The following FAM163B variants were observed in gnomAD, a reference collection of about 807,000 sequenced individuals.
FAM163B encodes protein FAM163B.
A neutral mutation model predicts 7.6 loss-of-function variants in FAM163B; 4 were observed. That is an observed-to-expected ratio of 0.52 (90% confidence interval 0.26 to 1.20). The LOEUF (loss-of-function observed/expected upper bound fraction) is 1.20, where lower values mean the gene tolerates loss of function less well. FAM163B is among the 50% of genes most tolerant of loss of function. FAM163B has a pLI of 0.14. For missense variants in FAM163B, 250 were observed against 243.0 expected (o/e 1.03, Z -0.19); for synonymous variants, 120 against 111.6 (o/e 1.07, Z -0.47).
At chr9:133,586,580 G>A (rs1474839457) in intron 1 of FAM163B, among the ~76,000 whole-genome samples, 1 of 152,234 alleles carries the variant, frequency 6.6e-6, no homozygotes, top group African/African-American at 2.4e-5. Flanking sequence ...CCTGGGGTCA[G>A]TACCATGGAG....
Position 133,577,369 on chromosome 9 carries a change from C to T in FAM163B, c.*1653G>A, listed in dbSNP as rs1391290231. 4.0e-5 allele frequency among the ~76,000 whole-genome samples: 6 copies of T among 148,412 alleles called. No individual in the cohort carries two copies. The highest frequency in any genetic ancestry group is 1.3e-4 in the Admixed American group (2 of 14,968). ...AGAGGTGTGGGCGGGCCCGGGGGGCCGGGGCTGCGAGGGACCTCAAGGGCG... is the reference window on the plus strand; with the variant it reads ...AGAGGTGTGGGCGGGCCCGGGGGGCTGGGGCTGCGAGGGACCTCAAGGGCG... On this transcript the variant is annotated 3_prime_UTR_variant, in exon 3 of 3. Transcript: ENST00000673969.
At position 133,600,923 on chromosome 9, in the gene FAM163B, G is replaced by T. The variant is rs147601277; in HGVS notation, c.-24+8154C>A. On this transcript the variant is annotated intron_variant, in intron 1 of 2. Coordinates refer to ENST00000673969, the MANE Select transcript of FAM163B (RefSeq NM_001080515.3). The surrounding 1 kb of genome is among the most constrained non-coding windows in gnomAD (Gnocchi z 4.9). ...AACTCTCCCTTGGTAGGGGGTAGGG[G>T]GGGAGCTTCATTGCCTCGAGTTCCT... Among the ~76,000 whole-genome samples, 1 of 152,240 alleles carries T rather than the reference G, an allele frequency of 6.6e-6. No homozygotes were observed. Among genetic ancestry groups the T allele is most frequent in the Non-Finnish European group, 1.5e-5 (1 of 68,002 alleles).
At chr9:133,589,776 G>C (rs927198442) in intron 1 of FAM163B, among the ~76,000 whole-genome samples, 1 of 152,152 alleles carries the variant, frequency 6.6e-6, no homozygotes, top group East Asian at 1.9e-4. Flanking sequence ...CCCAGGGGGC[G>C]GGAACAGCAG....
intron 1 of FAM163B, among the ~76,000 whole-genome samples, chr9:133,598,993 T>A (rs1340800081): frequency 3.9e-5 from 6 of 152,098 alleles, no homozygotes; most frequent in Admixed American, 2.0e-4. Context: ...CCCTGCTGGA[T>A]GCAGGCAGCA....
At chr9:133,581,723 T>C (rs1831359403) in intron 1 of FAM163B, among the ~76,000 whole-genome samples, 1 of 152,212 alleles carries the variant, frequency 6.6e-6, no homozygotes, top group African/African-American at 2.4e-5. Flanking sequence ...TCGCATGGCA[T>C]TGAACATGCT....
At chr9:133,596,325 C>A (rs1269320874) in intron 1 of FAM163B, among the ~76,000 whole-genome samples, 1 of 146,376 alleles carries the variant, frequency 6.8e-6, no homozygotes, top group Non-Finnish European at 1.5e-5. Flanking sequence ...TGTGCATCAC[C>A]TTGGCTAAGT....
intron 1 of FAM163B, among the ~76,000 whole-genome samples, chr9:133,593,541 A>G (rs1410707187): frequency 1.3e-5 from 2 of 152,138 alleles, no homozygotes; most frequent in Non-Finnish European, 2.9e-5. Context: ...GACACCTCTG[A>G]TGCTGTGTCC....
At chr9:133,588,115 A>G (rs1022815093) in intron 1 of FAM163B, among the ~76,000 whole-genome samples, 2 of 152,176 alleles carry the variant, frequency 1.3e-5, no homozygotes, top group African/African-American at 4.8e-5. Flanking sequence ...GAGGCTGGGC[A>G]GTGGGGAAGC....
At chr9:133,604,605 A>C (rs1831767670) in intron 1 of FAM163B, among the ~76,000 whole-genome samples, 1 of 152,214 alleles carries the variant, frequency 6.6e-6, no homozygotes, top group African/African-American at 2.4e-5. Context: ...AGGAGCATGA[A>C]GGAGACAGTC....
intron 1 of FAM163B, among the ~76,000 whole-genome samples, chr9:133,595,102 A>G (rs56116178): frequency 0.058 from 8,896 of 152,260 alleles, 371 homozygotes; most frequent in Non-Finnish European, 0.098. Flanking sequence ...TTTAACGTGC[A>G]TCGAGTAGCC....
At position 133,584,048 on chromosome 9, in the gene FAM163B, T is replaced by TC. The variant is rs33920107; in HGVS notation, c.-23-3803dup. Among the ~76,000 whole-genome samples, 140 of 149,056 alleles carry TC rather than the reference T, an allele frequency of 9.4e-4. No homozygotes were observed. The South Asian group carries it at 0.012, about 12-fold the overall frequency. ...TGTGCCCCACCCTCTGGGATGCCCA[T>TC]CCCCCCCCCGGACCTACCACGCCAT... On this transcript the variant is annotated intron_variant, in intron 1 of 2. Coordinates refer to ENST00000673969, the MANE Select transcript of FAM163B (RefSeq NM_001080515.3).
At position 133,578,822 on chromosome 9, in the gene FAM163B, C is replaced by T. The variant is rs922663168; in HGVS notation, c.*200G>A. 6.5e-5 allele frequency: 68 copies of T among 1,042,510 alleles called. No homozygotes were observed. The highest frequency in any genetic ancestry group is 7.2e-5 in the Non-Finnish European group (55 of 761,148). The allele number at this position is 1,042,510 out of a possible 1,614,324, so 64.6% of individuals were successfully genotyped here. A position where few individuals can be genotyped will look rare whatever the true frequency, so the allele number is the denominator to read the frequency against. ...CCCCAGGCCCCAGCTGTGCCTCCCC[C>T]CAGGACACATTTGTGTTCAATGAGC... On this transcript the variant is annotated 3_prime_UTR_variant, in exon 3 of 3. Transcript: ENST00000673969.
rs1464808620 is a variant in FAM163B, at chr9:133,577,718, G to C, written c.*1304C>G. ...GGGGCTCCTGGGGCCAGGCTGCTGA[G>C]AGGAAATAATTGCCTCTTTCTGGGT... On this transcript the variant is annotated 3_prime_UTR_variant, in exon 3 of 3. Transcript: ENST00000673969. Among the ~76,000 whole-genome samples, 2 of 152,224 alleles carry C rather than the reference G, an allele frequency of 1.3e-5. No homozygotes were observed. Among genetic ancestry groups the C allele is most frequent in the African/African-American group, 4.8e-5 (2 of 41,464 alleles).
At chr9:133,595,011 GC>G (rs2131249723) in intron 1 of FAM163B, among the ~76,000 whole-genome samples, 1 of 152,316 alleles carries the variant, frequency 6.6e-6, no homozygotes, top group Non-Finnish European at 1.5e-5. Context: ...CCTTCCTGGA[GC>G]CCTGTCCCTG....
Position 133,577,384 on chromosome 9 carries a change from C to G in FAM163B, c.*1638G>C, listed in dbSNP as rs951575475. ...CCCGGGGGGCCGGGGCTGCGAGGGA[C>G]CTCAAGGGCGAATGCCACTGGCCTG... is the stretch of plus-strand genomic sequence containing the variant. On this transcript the variant is annotated 3_prime_UTR_variant, in exon 3 of 3. Transcript: ENST00000673969. 3.3e-5 allele frequency among the ~76,000 whole-genome samples: 5 copies of G among 151,242 alleles called. No individual in the cohort carries two copies. The highest frequency in any genetic ancestry group is 7.4e-5 in the Non-Finnish European group (5 of 67,924).
At chr9:133,583,764 G>T (rs1831390937) in intron 1 of FAM163B, among the ~76,000 whole-genome samples, 1 of 152,208 alleles carries the variant, frequency 6.6e-6, no homozygotes, top group South Asian at 2.1e-4. Flanking sequence ...GGTGCCCAGG[G>T]CTGTCAGCAG....
intron 1 of FAM163B, among the ~76,000 whole-genome samples, chr9:133,580,969 C>T (rs1238556566): frequency 3.3e-5 from 5 of 152,198 alleles, no homozygotes; most frequent in South Asian, 2.1e-4. Context: ...TTTTAATAAG[C>T]GTCTTTGTAG....
intron 1 of FAM163B, among the ~76,000 whole-genome samples, chr9:133,588,866 A>C (rs1457492174): frequency 6.6e-6 from 1 of 151,548 alleles, no homozygotes; most frequent in East Asian, 1.9e-4. Context: ...GAGATGGGAG[A>C]AGGGAAAAGG....
chr9:133,590,119 TTCCCCTCCCCTTCCCCTC>T (rs1831524593), intron 1 of FAM163B, among the ~76,000 whole-genome samples: 1 of 19,348 alleles, frequency 5.2e-5, no homozygotes, highest in African/African-American at 1.5e-4. Context: ...TCCCCTCCCC[TTCCCCTCCCCTTCCCCTC>T]CCCTTCCCCT....
Sources: gnomAD v4.1 joint callset for allele counts (sites outside exome capture counted in the v4.1 genomes callset) on GRCh38, gnomAD v4.1.1 for gene constraint, Gnocchi (gnomAD v3.1) non-coding constraint, MANE v1.5 for transcripts, NCBI Gene and HGNC (gene_info 2026-07-23, HGNC 2026-07-21) for gene names.